CMTM8: variants seen among roughly 807,000 people sequenced by gnomAD.
The protein encoded by CMTM8 is CKLF like MARVEL transmembrane domain containing 8, also known as CKLF-like MARVEL transmembrane domain-containing protein 8.
A neutral mutation model predicts 18.6 loss-of-function variants in CMTM8; 12 were observed. The observed-to-expected ratio is 0.65, with a 90% CI of 0.41 to 1.05. CMTM8 has a LOEUF of 1.05. CMTM8 is among the 50% of genes least tolerant of loss of function. The probability of loss-of-function intolerance (pLI) is 0.00; values close to 1 mark genes in which losing one functional copy is unlikely to be tolerated. For synonymous variants in CMTM8, 87 were observed against 90.6 expected (o/e 0.96, Z 0.23); for missense variants, 217 against 227.2 (o/e 0.95, Z 0.29).
chr3:32,363,947 C>T (rs1341850874), intron 2 of CMTM8, among the ~76,000 whole-genome samples: 6 of 152,186 alleles, frequency 3.9e-5, no homozygotes, highest in African/African-American at 1.4e-4. Flanking sequence ...TGTACCTTTT[C>T]CTCAGCCTTT....
At chr3:32,298,818 C>A (rs947144836) in intron 1 of CMTM8, among the ~76,000 whole-genome samples, 3 of 117,334 alleles carry the variant, frequency 2.6e-5, no homozygotes, top group African/African-American at 6.5e-5. Context: ...TATATATACA[C>A]GTGTGTATGT....
chr3:32,305,521 C>T (rs1249904581), intron 1 of CMTM8, among the ~76,000 whole-genome samples: 1 of 152,298 alleles, frequency 6.6e-6, no homozygotes, highest in Non-Finnish European at 1.5e-5. Context: ...CTGGACCCTG[C>T]CTTCAAAGCT....
Position 32,318,011 on chromosome 3 carries a change from C to T in CMTM8, c.148-39362C>T, listed in dbSNP as rs557501794. On this transcript the variant is annotated intron_variant, in intron 1 of 3. Transcript: ENST00000307526. Reference sequence around the variant, plus strand: ...CAGAGGTTGCAGTGAGCCCAGGTCACGCCACTGCACTCCAGCCTGGGCAAC... The same window carrying T: ...CAGAGGTTGCAGTGAGCCCAGGTCATGCCACTGCACTCCAGCCTGGGCAAC... Among the ~76,000 whole-genome samples the T allele has an allele frequency of 1.0e-3, 149 of 146,672 alleles. 1 individual carries two copies. The highest frequency in any genetic ancestry group is 9.2e-4 in the Non-Finnish European group (62 of 67,386).
chr3:32,254,169 C>T (rs952257603), intron 1 of CMTM8, among the ~76,000 whole-genome samples: 2 of 152,224 alleles, frequency 1.3e-5, no homozygotes, highest in South Asian at 2.1e-4. Flanking sequence ...GCTGGGATTA[C>T]AGGTGTGAGC....
At chr3:32,333,440 G>T (rs1696319959) in intron 1 of CMTM8, among the ~76,000 whole-genome samples, 1 of 152,104 alleles carries the variant, frequency 6.6e-6, no homozygotes, top group Admixed American at 6.5e-5. Context: ...TCCCAGACCT[G>T]CTGGGTCAGC....
chr3:32,324,957 TG>T lies in CMTM8; in HGVS notation c.148-32414del, dbSNP rs1696125807. Among the ~76,000 whole-genome samples, 3 of 152,360 alleles carry T rather than the reference TG, an allele frequency of 2.0e-5. No homozygotes were observed. In the South Asian group the frequency reaches 6.2e-4, roughly 32 times the overall value. On this transcript the variant is annotated intron_variant, in intron 1 of 3. Coordinates refer to ENST00000307526, the MANE Select transcript of CMTM8 (RefSeq NM_178868.5). ...AAGTTCTGTTTGCACAGAATTCTCT[TG>T]GCCTCAGCTCCCCACTTCTGGTGAT...
intron 1 of CMTM8, among the ~76,000 whole-genome samples, chr3:32,347,083 C>T (rs187445961): frequency 6.6e-6 from 1 of 152,302 alleles, no homozygotes; most frequent in African/African-American, 2.4e-5. Flanking sequence ...CCCGCCTCAG[C>T]CATCCAAAGT....
intron 1 of CMTM8, among the ~76,000 whole-genome samples, chr3:32,270,819 T>C (rs1702428924): frequency 6.6e-6 from 1 of 152,106 alleles, no homozygotes; most frequent in African/African-American, 2.4e-5. Flanking sequence ...TGTATACATA[T>C]GTAACTAACC....
At chr3:32,284,375 G>A (rs1334679707) in intron 1 of CMTM8, among the ~76,000 whole-genome samples, 3 of 152,202 alleles carry the variant, frequency 2.0e-5, no homozygotes, top group Non-Finnish European at 2.9e-5. Context: ...GAGTTAAGTC[G>A]GGATCTGCGA....
chr3:32,303,105 T>C (rs138313324), intron 1 of CMTM8, among the ~76,000 whole-genome samples: 56 of 152,308 alleles, frequency 3.7e-4, no homozygotes, highest in African/African-American at 1.2e-3. Flanking sequence ...AGTGTCCAAA[T>C]TGCAGGCGTC....
intron 1 of CMTM8, among the ~76,000 whole-genome samples, chr3:32,313,202 T>C (rs1482400755): frequency 6.6e-6 from 1 of 152,046 alleles, no homozygotes; most frequent in African/African-American, 2.4e-5. Flanking sequence ...TAAAACAGCC[T>C]GAAAACTGAA....
chr3:32,334,344 C>T (rs1696341953), intron 1 of CMTM8, among the ~76,000 whole-genome samples: 1 of 151,880 alleles, frequency 6.6e-6, no homozygotes, highest in Non-Finnish European at 1.5e-5. Context: ...TGGTGGCTCA[C>T]GCCTGTAATC....
chr3:32,351,729 A>G (rs1447581902), intron 1 of CMTM8, among the ~76,000 whole-genome samples: 1 of 151,194 alleles, frequency 6.6e-6, no homozygotes, highest in Non-Finnish European at 1.5e-5. Flanking sequence ...AAAAATATGT[A>G]AAAACTTAAA....
chr3:32,331,795 C>G (rs949694841), intron 1 of CMTM8, among the ~76,000 whole-genome samples: 1 of 152,138 alleles, frequency 6.6e-6, no homozygotes. Flanking sequence ...AAGTCAAATA[C>G]TGCATGCTTT....
intron 1 of CMTM8, among the ~76,000 whole-genome samples, chr3:32,298,939 ATG>A (rs1553604475): frequency 2.9e-5 from 2 of 69,554 alleles, no homozygotes; most frequent in African/African-American, 1.1e-4. Flanking sequence ...ATATATATAT[ATG>A]TATATATATA....
chr3:32,318,202 C>T (rs1559378499), intron 1 of CMTM8, among the ~76,000 whole-genome samples: 1 of 152,002 alleles, frequency 6.6e-6, no homozygotes, highest in Non-Finnish European at 1.5e-5. Flanking sequence ...AAACTAAGAA[C>T]ATTGTCCACC....
chr3:32,271,776 A>G lies in CMTM8; in HGVS notation c.147+32657A>G, dbSNP rs1024302112. 2.0e-5 allele frequency among the ~76,000 whole-genome samples: 3 copies of G among 152,190 alleles called. No homozygotes were observed. In the South Asian group the frequency reaches 6.2e-4, roughly 31 times the overall value. ...TAGATCTTTAGCTGTCTTAACATGCATACTTAGTCTATTATACAGGCTAAA... is the reference window on the plus strand; with the variant it reads ...TAGATCTTTAGCTGTCTTAACATGCGTACTTAGTCTATTATACAGGCTAAA... On this transcript the variant is annotated intron_variant, in intron 1 of 3. Transcript: ENST00000307526.
chr3:32,271,347 C>T (rs191611092), intron 1 of CMTM8, among the ~76,000 whole-genome samples: 39 of 152,244 alleles, frequency 2.6e-4, no homozygotes, highest in African/African-American at 8.7e-4. Flanking sequence ...CTGGTCTCAT[C>T]GACCTCGGGT....
At chr3:32,367,317 G>GGCT (rs1441595338) in intron 2 of CMTM8, among the ~76,000 whole-genome samples, 2 of 152,208 alleles carry the variant, frequency 1.3e-5, no homozygotes, top group Non-Finnish European at 2.9e-5. Flanking sequence ...TAAAGCCAAG[G>GGCT]GTAACATTAG....
Sources: gnomAD v4.1 joint callset for allele counts (sites outside exome capture counted in the v4.1 genomes callset) on GRCh38, gnomAD v4.1.1 for gene constraint, MANE v1.5 for transcripts, NCBI Gene and HGNC (gene_info 2026-07-23, HGNC 2026-07-21) for gene names.